SGCZ: variants seen among roughly 807,000 people sequenced by gnomAD.
SGCZ encodes the protein zeta-sarcoglycan.
In SGCZ, 40 loss-of-function variants were observed where a neutral mutation model predicts 41.3. The observed-to-expected ratio is 0.97, with a 90% CI of 0.75 to 1.26. The LOEUF is 1.26. Among genes scored for constraint, SGCZ ranks in the 50% most tolerant of loss-of-function variants. SGCZ has a pLI of 0.00. For missense variants in SGCZ, 552 were observed against 369.8 expected, an observed-to-expected ratio of 1.49 and a Z score of -4.04; for synonymous variants, 206 against 137.5, an observed-to-expected ratio of 1.50 and a Z score of -3.49.
At chr8:14,480,284 A>G (rs1415216104) in intron 2 of SGCZ, among the ~76,000 whole-genome samples, 1 of 152,140 alleles carries the variant, frequency 6.6e-6, no homozygotes, top group Non-Finnish European at 1.5e-5. Context: ...CAGCGTCTAC[A>G]TTCTACTCCT....
intron 3 of SGCZ, among the ~76,000 whole-genome samples, chr8:14,247,246 C>T (rs1004196188): frequency 7.2e-5 from 11 of 152,134 alleles, no homozygotes; most frequent in Non-Finnish European, 1.6e-4. Context: ...TCTGAGAAGG[C>T]TCTATGACTT....
intron 1 of SGCZ, among the ~76,000 whole-genome samples, chr8:15,148,897 A>C (rs1300254591): frequency 4.6e-5 from 7 of 152,232 alleles, no homozygotes; most frequent in South Asian, 2.1e-4. Context: ...AGACTGACTG[A>C]AAGGCCAAAG....
At chr8:14,708,535 G>GTATATA (rs1333436346) in intron 1 of SGCZ, among the ~76,000 whole-genome samples, 1 of 151,114 alleles carries the variant, frequency 6.6e-6, no homozygotes, top group Non-Finnish European at 1.5e-5. Flanking sequence ...ATTCTTCTGT[G>GTATATA]TATATAATAT....
intron 2 of SGCZ, among the ~76,000 whole-genome samples, chr8:14,329,973 A>G (rs1023316694): frequency 2.6e-5 from 4 of 152,064 alleles, no homozygotes; most frequent in African/African-American, 4.8e-5. Flanking sequence ...TGATCCATGC[A>G]TTCTAGCTGC....
intron 2 of SGCZ, among the ~76,000 whole-genome samples, chr8:14,399,484 T>C (rs924166489): frequency 6.6e-6 from 1 of 152,108 alleles, no homozygotes; most frequent in African/African-American, 2.4e-5. Flanking sequence ...TATGCCTGGA[T>C]ATATAGGTTC....
chr8:15,135,972 T>C (rs534745381), intron 1 of SGCZ, among the ~76,000 whole-genome samples: 1 of 152,308 alleles, frequency 6.6e-6, no homozygotes, highest in South Asian at 2.1e-4. Flanking sequence ...CAGAACTTTC[T>C]TTTAAAAAAC....
At chr8:14,515,337 T>C (rs1425502412) in intron 2 of SGCZ, among the ~76,000 whole-genome samples, 2 of 152,112 alleles carry the variant, frequency 1.3e-5, no homozygotes, top group African/African-American at 4.8e-5. Context: ...ACAACATTTA[T>C]AGAAAAGCTA....
At chr8:14,193,620 G>A (rs952374449) in intron 4 of SGCZ, among the ~76,000 whole-genome samples, 12 of 152,026 alleles carry the variant, frequency 7.9e-5, no homozygotes, top group African/African-American at 2.7e-4. Context: ...AAATGTAAAT[G>A]TGGCCATGAA....
chr8:15,007,280 CTA>C (rs1445836205), intron 1 of SGCZ, among the ~76,000 whole-genome samples: 1 of 152,122 alleles, frequency 6.6e-6, no homozygotes, highest in Admixed American at 6.5e-5. Context: ...GATTTTGATA[CTA>C]TGTTACAAAA....
chr8:15,049,772 A>G (rs1418246023), intron 1 of SGCZ, among the ~76,000 whole-genome samples: 2 of 152,142 alleles, frequency 1.3e-5, no homozygotes, highest in Admixed American at 6.6e-5. Context: ...TAACTAAATC[A>G]TGGAGGCAAT....
chr8:15,137,570 C>G (rs1341958480), intron 1 of SGCZ, among the ~76,000 whole-genome samples: 1 of 152,152 alleles, frequency 6.6e-6, no homozygotes, highest in African/African-American at 2.4e-5. Flanking sequence ...GGACTTCATA[C>G]CCTGTGTCCC....
At chr8:14,595,079 T>C (rs1805365571) in intron 1 of SGCZ, among the ~76,000 whole-genome samples, 1 of 152,104 alleles carries the variant, frequency 6.6e-6, no homozygotes, top group South Asian at 2.1e-4. Context: ...CTATACTGTT[T>C]CCTAATTTGT....
At chr8:14,441,992 T>C (rs1563331927) in intron 2 of SGCZ, among the ~76,000 whole-genome samples, 1 of 152,236 alleles carries the variant, frequency 6.6e-6, no homozygotes, top group Non-Finnish European at 1.5e-5. Flanking sequence ...TCTTACTTTT[T>C]CTGAAAGCCA....
intron 1 of SGCZ, among the ~76,000 whole-genome samples, chr8:14,698,283 T>C (rs1033978759): frequency 7.9e-5 from 12 of 152,078 alleles, no homozygotes; most frequent in African/African-American, 2.6e-4. Flanking sequence ...ATTCTTAATA[T>C]ACTGATCCCA....
chr8:14,261,620 G>C (rs1799671089), intron 3 of SGCZ, among the ~76,000 whole-genome samples: 1 of 152,108 alleles, frequency 6.6e-6, no homozygotes, highest in South Asian at 2.1e-4. Context: ...GATGTTTATA[G>C]TTATTCTTAA....
At chr8:14,978,780 C>A (rs1051924805) in intron 1 of SGCZ, among the ~76,000 whole-genome samples, 1 of 145,078 alleles carries the variant, frequency 6.9e-6, no homozygotes, top group Non-Finnish European at 1.5e-5. Context: ...GGATTTCCTG[C>A]CATCAGAGTT....
chr8:14,678,171 G>T (rs1411434174), intron 1 of SGCZ, among the ~76,000 whole-genome samples: 1 of 152,020 alleles, frequency 6.6e-6, no homozygotes, highest in Non-Finnish European at 1.5e-5. Context: ...ATAATCCATG[G>T]AACAAAGAAT....
intron 1 of SGCZ, among the ~76,000 whole-genome samples, chr8:15,013,728 T>C (rs1275426995): frequency 6.6e-6 from 1 of 152,210 alleles, no homozygotes; most frequent in Non-Finnish European, 1.5e-5. Context: ...CATTGCAGAA[T>C]TGTTTATGTA....
At chr8:14,118,778 A>C (rs1281455124) in intron 5 of SGCZ, among the ~76,000 whole-genome samples, 1 of 152,186 alleles carries the variant, frequency 6.6e-6, no homozygotes, top group African/African-American at 2.4e-5. Context: ...TTTTCTGCAT[A>C]TGGCTAGCCA....
Sources: allele counts gnomAD v4.1 joint callset (sites outside exome capture counted in the v4.1 genomes callset), GRCh38; gene constraint gnomAD v4.1.1; transcripts MANE v1.5; gene names NCBI Gene and HGNC (gene_info 2026-07-23, HGNC 2026-07-21).